The following MACROD2 variants were observed in gnomAD, a reference collection of about 807,000 sequenced individuals.
MACROD2 encodes the protein ADP-ribose glycohydrolase MACROD2.
In MACROD2, 36 loss-of-function variants were observed where a neutral mutation model predicts 70.4. That is an observed-to-expected ratio of 0.51 (90% CI 0.39 to 0.68). MACROD2 has a LOEUF of 0.68. MACROD2 is among the 30% of genes least tolerant of loss of function. MACROD2 has a pLI of 0.00. For synonymous variants in MACROD2, 172 were observed against 178.8 expected, an observed-to-expected ratio of 0.96 and a Z score of 0.30; for missense variants, 496 against 538.4, an observed-to-expected ratio of 0.92 and a Z score of 0.78.
At chr20:15,667,148 C>T (rs1402607484) in intron 8 of MACROD2, among the ~76,000 whole-genome samples, 1 of 152,204 alleles carries the variant, frequency 6.6e-6, no homozygotes, top group Admixed American at 6.5e-5. Context: ...TTTTGGCCAT[C>T]AGGGTGGATC....
intron 5 of MACROD2, among the ~76,000 whole-genome samples, chr20:14,992,023 A>G (rs147666120): frequency 5.4e-4 from 83 of 152,298 alleles, no homozygotes; most frequent in African/African-American, 1.8e-3. Context: ...GGAGGAGAGG[A>G]TAGAGTCAGG....
At chr20:15,632,824 T>A (rs2049310339) in intron 8 of MACROD2, among the ~76,000 whole-genome samples, 1 of 150,804 alleles carries the variant, frequency 6.6e-6, no homozygotes, top group African/African-American at 2.4e-5. Context: ...CTTTCCTCCC[T>A]CCTTCCCTCC....
At position 15,732,524 on chromosome 20, in the gene MACROD2, A is replaced by G. The variant is rs376504735; in HGVS notation, c.646-130221A>G. On this transcript the variant is annotated intron_variant, in intron 8 of 17. Transcript: ENST00000684519. ...ATGAATGCCTGTTGAATTTTGTCAA[A>G]TGCTTTTTCTGTCTCTACTAATTAA... is the stretch of plus-strand genomic sequence containing the variant. Among the ~76,000 whole-genome samples, 31 of 152,316 alleles carry G rather than the reference A, an allele frequency of 2.0e-4. No homozygotes were observed. The South Asian group carries it at 6.2e-3, about 31-fold the overall frequency.
intron 15 of MACROD2, among the ~76,000 whole-genome samples, chr20:16,014,892 T>G (rs917527312): frequency 6.6e-6 from 1 of 152,134 alleles, no homozygotes; most frequent in Non-Finnish European, 1.5e-5. Flanking sequence ...TTAAATCAAG[T>G]CCTATATTCT....
At chr20:15,930,740 A>G (rs1369421811) in intron 10 of MACROD2, among the ~76,000 whole-genome samples, 2 of 152,236 alleles carry the variant, frequency 1.3e-5, no homozygotes, top group African/African-American at 4.8e-5. Flanking sequence ...GGAGGGGGGT[A>G]GCACACAAGG....
At chr20:14,644,606 C>T (rs1985279731) in intron 4 of MACROD2, among the ~76,000 whole-genome samples, 1 of 152,116 alleles carries the variant, frequency 6.6e-6, no homozygotes, top group South Asian at 2.1e-4. Flanking sequence ...AGAGCCAAGG[C>T]TCCATTTTAC....
intron 4 of MACROD2, among the ~76,000 whole-genome samples, chr20:14,515,073 G>GA (rs1365116026): frequency 1.3e-5 from 2 of 151,884 alleles, no homozygotes; most frequent in African/African-American, 4.8e-5. Context: ...AGAAAATCGT[G>GA]AAAAAAGAGC....
chr20:15,170,028 A>C (rs1015949619), intron 5 of MACROD2, among the ~76,000 whole-genome samples: 42 of 152,230 alleles, frequency 2.8e-4, no homozygotes, highest in Non-Finnish European at 1.5e-5. Context: ...GCAACATGCA[A>C]AACACGGCCA....
At chr20:14,271,270 C>T (rs1456263748) in intron 3 of MACROD2, among the ~76,000 whole-genome samples, 3 of 152,160 alleles carry the variant, frequency 2.0e-5, no homozygotes, top group Admixed American at 6.5e-5. Context: ...ACACCTCACA[C>T]GGCCAGGTAC....
At chr20:15,057,752 A>G (rs1199834117) in intron 5 of MACROD2, among the ~76,000 whole-genome samples, 6 of 152,198 alleles carry the variant, frequency 3.9e-5, no homozygotes, top group South Asian at 2.1e-4. Context: ...CCGATCCATT[A>G]TATCAATTTC....
intron 7 of MACROD2, among the ~76,000 whole-genome samples, chr20:15,437,399 A>C (rs2046440728): frequency 6.6e-6 from 1 of 152,104 alleles, no homozygotes; most frequent in African/African-American, 2.4e-5. Flanking sequence ...CCTCTTCCCC[A>C]ATGCACACAC....
In MACROD2 at chr20:14,935,950, C is replaced by T. The variant is rs547632479; in HGVS notation, c.418+250991C>T. On this transcript the variant is annotated intron_variant, in intron 5 of 17. Transcript: ENST00000684519. ...CCATCAAACCTATTCACCCATCCTT[C>T]CTTCTTTTCTTTTTTCCATAAGTAC... 3.9e-5 allele frequency among the ~76,000 whole-genome samples: 6 copies of T among 152,284 alleles called. No individual in the cohort carries two copies. In the South Asian group the frequency reaches 1.2e-3, roughly 32 times the overall value.
intron 8 of MACROD2, among the ~76,000 whole-genome samples, chr20:15,666,143 A>C (rs1014081116): frequency 2.0e-5 from 3 of 152,256 alleles, no homozygotes; most frequent in African/African-American, 7.2e-5. Flanking sequence ...AAATTGGTCC[A>C]TAGCAATAAC....
chr20:15,023,297 T>C (rs2075203638), intron 5 of MACROD2, among the ~76,000 whole-genome samples: 1 of 152,216 alleles, frequency 6.6e-6, no homozygotes, highest in African/African-American at 2.4e-5. Context: ...GGCATTTATA[T>C]CTTCAGAAAA....
At chr20:15,260,832 G>A (rs921358180) in intron 6 of MACROD2, among the ~76,000 whole-genome samples, 7 of 151,962 alleles carry the variant, frequency 4.6e-5, no homozygotes, top group East Asian at 1.9e-4. Flanking sequence ...ATGTAATAAT[G>A]TATTTACTTA....
intron 5 of MACROD2, among the ~76,000 whole-genome samples, chr20:15,228,563 C>T (rs190141737): frequency 4.1e-5 from 6 of 146,132 alleles, no homozygotes; most frequent in African/African-American, 1.0e-4. Flanking sequence ...AATCTCGGCT[C>T]ACTGCAAGCT....
intron 3 of MACROD2, among the ~76,000 whole-genome samples, chr20:14,483,283 G>A (rs1462201591): frequency 6.6e-6 from 1 of 152,094 alleles, no homozygotes; most frequent in Non-Finnish European, 1.5e-5. Context: ...AATTATCATG[G>A]GGACATGATA....
At chr20:15,504,154 G>A (rs1220012675) in intron 8 of MACROD2, among the ~76,000 whole-genome samples, 1 of 152,154 alleles carries the variant, frequency 6.6e-6, no homozygotes, top group Non-Finnish European at 1.5e-5. Context: ...TCCACACCCA[G>A]AGAGGTCTGA....
intron 5 of MACROD2, among the ~76,000 whole-genome samples, chr20:14,957,386 T>A (rs1032274034): frequency 4.6e-5 from 7 of 152,236 alleles, no homozygotes; most frequent in Non-Finnish European, 1.0e-4. Flanking sequence ...TCTTGGTCTG[T>A]TCTGGAATTA....
Sources: gnomAD v4.1 joint callset for allele counts (sites outside exome capture counted in the v4.1 genomes callset) on GRCh38, gnomAD v4.1.1 for gene constraint, MANE v1.5 for transcripts, NCBI Gene and HGNC (gene_info 2026-07-23, HGNC 2026-07-21) for gene names.